RIT2: variants seen among roughly 807,000 people sequenced by gnomAD.
RIT2 encodes the protein Ras like without CAAX 2.
A neutral mutation model predicts 23.7 loss-of-function variants in RIT2; 24 were observed. The observed-to-expected ratio is 1.01, with a 90% CI of 0.73 to 1.43. The LOEUF is 1.43. Among genes scored for constraint, RIT2 ranks in the 40% most tolerant of loss-of-function variants. The pLI is 0.00. For missense variants in RIT2, 236 were observed against 266.9 expected (o/e 0.88, Z 0.81); for synonymous variants, 107 against 91.1 (o/e 1.17, Z -0.99).
intron 1 of RIT2, among the ~76,000 whole-genome samples, chr18:43,095,023 C>T (rs1292055815): frequency 6.6e-6 from 1 of 152,012 alleles, no homozygotes; most frequent in African/African-American, 2.4e-5. Context: ...AATAAACATA[C>T]GTGTGCATGT....
chr18:42,912,148 A>G (rs1030808733), intron 4 of RIT2, among the ~76,000 whole-genome samples: 2 of 151,838 alleles, frequency 1.3e-5, no homozygotes, highest in African/African-American at 4.8e-5. Context: ...AAATGTATTA[A>G]TGTAGTCCAC....
chr18:42,925,300 T>C (rs900855008), intron 3 of RIT2, among the ~76,000 whole-genome samples: 9 of 151,984 alleles, frequency 5.9e-5, no homozygotes, highest in Non-Finnish European at 1.0e-4. Flanking sequence ...GATTTTGAAA[T>C]CCTATGTCGC....
At chr18:42,743,850 C>G (rs985511119) in intron 4 of RIT2, 130 bp from the exon 5 acceptor site, 1 of 655,304 alleles carries the variant, frequency 1.5e-6, no homozygotes, top group Non-Finnish European at 2.6e-6. Flanking sequence ...CTGTGACTTG[C>G]AGGTATACGC....
At chr18:43,034,802 C>T (rs1911938568) in intron 1 of RIT2, among the ~76,000 whole-genome samples, 2 of 152,114 alleles carry the variant, frequency 1.3e-5, no homozygotes, top group Admixed American at 1.3e-4. Flanking sequence ...ATCCTCTGTC[C>T]TACCTTCAAC....
intron 4 of RIT2, among the ~76,000 whole-genome samples, chr18:42,782,777 G>A (rs1381464966): frequency 4.6e-5 from 7 of 152,054 alleles, no homozygotes; most frequent in African/African-American, 1.7e-4. Flanking sequence ...CCTTGGTAGG[G>A]AATCTAAATG....
chr18:43,057,231 G>A (rs540507303), intron 1 of RIT2, among the ~76,000 whole-genome samples: 1 of 152,112 alleles, frequency 6.6e-6, no homozygotes, highest in African/African-American at 2.4e-5. Flanking sequence ...ATAATATATT[G>A]TTCTAATCAG....
At chr18:43,085,299 A>C (rs1282179444) in intron 1 of RIT2, among the ~76,000 whole-genome samples, 7 of 152,118 alleles carry the variant, frequency 4.6e-5, no homozygotes, top group African/African-American at 1.7e-4. Context: ...AGATTAAGTC[A>C]AACTGATTCA....
chr18:42,933,200 A>G (rs1351070474), intron 3 of RIT2, among the ~76,000 whole-genome samples: 1 of 152,178 alleles, frequency 6.6e-6, no homozygotes, highest in African/African-American at 2.4e-5. Flanking sequence ...GAACACAGGC[A>G]TAATAAGCAA....
At chr18:42,781,646 A>G (rs488182) in intron 4 of RIT2, among the ~76,000 whole-genome samples, 101,553 of 152,070 alleles carry the variant, frequency 0.67, 36,887 homozygotes, top group Middle Eastern at 0.83. Context: ...AATATTGATA[A>G]CGTGTATTAA....
intron 4 of RIT2, among the ~76,000 whole-genome samples, chr18:42,846,774 C>T (rs74846468): frequency 0.1 from 15,840 of 152,018 alleles, 955 homozygotes; most frequent in Middle Eastern, 0.25. Context: ...TAAAAAGGAA[C>T]GCTTCAAATT....
intron 4 of RIT2, among the ~76,000 whole-genome samples, chr18:42,884,696 A>C (rs370206664): frequency 2.6e-5 from 4 of 152,320 alleles, no homozygotes; most frequent in South Asian, 2.1e-4. Context: ...TTGTCAGTTG[A>C]GCAAAATGCT....
At chr18:42,802,906 T>C (rs923079003) in intron 4 of RIT2, among the ~76,000 whole-genome samples, 2 of 152,166 alleles carry the variant, frequency 1.3e-5, no homozygotes, top group African/African-American at 4.8e-5. Context: ...TTCCAGCTTT[T>C]TTTGTGTGTG....
chr18:42,762,008 C>T (rs1913314130), intron 4 of RIT2, among the ~76,000 whole-genome samples: 1 of 152,154 alleles, frequency 6.6e-6, no homozygotes, highest in South Asian at 2.1e-4. Context: ...GCCAAGAAAT[C>T]ATGGAATTAT....
intron 2 of RIT2, among the ~76,000 whole-genome samples, chr18:42,985,908 G>A (rs982579094): frequency 6.6e-6 from 1 of 151,524 alleles, no homozygotes; most frequent in African/African-American, 2.4e-5. Flanking sequence ...ATAAAAATTG[G>A]GCTACATTAA....
rs532715530 is a variant in RIT2, at chr18:42,764,033, GT to G, written c.427-20314del. 5.7e-3 allele frequency among the ~76,000 whole-genome samples: 867 copies of G among 152,250 alleles called. 7 individuals are homozygous for G. The highest frequency in any genetic ancestry group is 0.02 in the African/African-American group (824 of 41,536). ...TTATGCAGCACATGACTGTATATCT[GT>G]TTTTCTGGGTATAAGGTGAGTGACA... On this transcript the variant is annotated intron_variant, in intron 4 of 4. Transcript: ENST00000326695.
intron 1 of RIT2, among the ~76,000 whole-genome samples, chr18:43,102,963 G>A (rs1913723811): frequency 6.6e-6 from 1 of 152,056 alleles, no homozygotes; most frequent in South Asian, 2.1e-4. Context: ...CCTTAACTCA[G>A]CATTTATATC....
intron 1 of RIT2, among the ~76,000 whole-genome samples, chr18:43,052,741 A>G (rs1912412572): frequency 6.6e-6 from 1 of 152,104 alleles, no homozygotes; most frequent in African/African-American, 2.4e-5. Context: ...TGATCCTCCC[A>G]GTCTTTAATG....
At chr18:43,108,771 T>C (rs1360290730) in intron 1 of RIT2, among the ~76,000 whole-genome samples, 1 of 152,224 alleles carries the variant, frequency 6.6e-6, no homozygotes, top group Non-Finnish European at 1.5e-5. Flanking sequence ...TCTTGGCTAA[T>C]GCTTCCTGAC....
chr18:43,025,325 A>G (rs774921185), intron 2 of RIT2, among the ~76,000 whole-genome samples: 1 of 151,948 alleles, frequency 6.6e-6, no homozygotes, highest in Non-Finnish European at 1.5e-5. Flanking sequence ...TCTTGGTAAG[A>G]ATGGTAAGAA....
Sources: allele counts gnomAD v4.1 joint callset (sites outside exome capture counted in the v4.1 genomes callset), GRCh38; gene constraint gnomAD v4.1.1; transcripts MANE v1.5; gene names NCBI Gene and HGNC (gene_info 2026-07-23, HGNC 2026-07-21).